GALNT15: variants seen among roughly 807,000 people sequenced by gnomAD.
GALNT15 encodes polypeptide N-acetylgalactosaminyltransferase 15, also known as UDP-GalNAc transferase T15.
A neutral mutation model predicts 66.8 loss-of-function variants in GALNT15; 67 were observed. That is an observed-to-expected ratio of 1.00 (90% CI 0.82 to 1.23). The LOEUF is 1.23. Among genes scored for constraint, GALNT15 ranks in the 50% most tolerant of loss-of-function variants. The pLI, the probability that GALNT15 is intolerant of heterozygous loss-of-function variation, is 0.00. For synonymous variants in GALNT15, 313 were observed against 311.5 expected, an observed-to-expected ratio of 1.00 and a Z score of -0.05; for missense variants, 827 against 804.3, an observed-to-expected ratio of 1.03 and a Z score of -0.34.
chr3:16,203,285 G>A lies in GALNT15; in HGVS notation c.911+2462G>A, dbSNP rs765131743. ...TGTTACCTGCTGCTGTGAGTCCCTC[G>A]TATCTGCTTCTCACATCGGGGCCCC... On this transcript the variant is annotated intron_variant, in intron 3 of 9. Transcript: ENST00000339732. This position sits in a 1 kb window ranked among gnomAD's most constrained non-coding sequence, Gnocchi z 6.2. 1.6e-4 allele frequency among the ~76,000 whole-genome samples: 24 copies of A among 152,104 alleles called. No homozygotes were observed. The highest frequency in any genetic ancestry group is 3.4e-3 in the Middle Eastern group (1 of 294).
At chr3:16,231,874 G>A (rs1214650362), downstream of GALNT15, 4 of 1,536,142 alleles carry the variant, frequency 2.6e-6, no homozygotes, top group African/African-American at 1.4e-5. The surrounding 1 kb of genome is among the most constrained non-coding windows in gnomAD (Gnocchi z 4.1). Context: ...CAATGGGTAG[G>A]ACATCATTTG....
intron 9 of GALNT15, among the ~76,000 whole-genome samples, chr3:16,226,459 G>A (rs2064020207): frequency 6.6e-6 from 1 of 152,178 alleles, no homozygotes; most frequent in African/African-American, 2.4e-5. Context: ...GCATGGCTGA[G>A]GAGGCCTCAG....
chr3:16,230,604 A>C (rs1230476494), downstream of GALNT15, among the ~76,000 whole-genome samples: 1 of 152,180 alleles, frequency 6.6e-6, no homozygotes, highest in South Asian at 2.1e-4. This position sits in a 1 kb window ranked among gnomAD's most constrained non-coding sequence, Gnocchi z 4.5. Context: ...GAAAAAAACA[A>C]GGATAGTGTA....
In GALNT15 at chr3:16,225,203, C is replaced by T. The variant is rs2063992976; in HGVS notation, c.1774-2151C>T. 6.6e-6 allele frequency among the ~76,000 whole-genome samples: 1 copy of T among 152,102 alleles called. No individual in the cohort carries two copies. Among genetic ancestry groups the T allele is most frequent in the Non-Finnish European group, 1.5e-5 (1 of 68,022 alleles). Reference sequence around the variant, plus strand: ...GACCAGATCCTCAAGAACTCGCTATCAAGAAGACAGCACGAAGCCATGAGG... The same window carrying T: ...GACCAGATCCTCAAGAACTCGCTATTAAGAAGACAGCACGAAGCCATGAGG... On this transcript the variant is annotated intron_variant, in intron 9 of 9. Transcript: ENST00000339732. This position sits in a 1 kb window ranked among gnomAD's most constrained non-coding sequence, Gnocchi z 4.4.
At position 16,200,770 on chromosome 3, in the gene GALNT15, C is replaced by T. The variant is rs771537146; in HGVS notation, c.858C>T (p.Cys286=). The change falls in exon 3 of 10, where the codon TGC becomes TGT. Residue 286 remains cysteine (C), a synonymous_variant. Coordinates refer to ENST00000339732, the MANE Select transcript of GALNT15 (RefSeq NM_054110.5). This position sits in a 1 kb window ranked among gnomAD's most constrained non-coding sequence, Gnocchi z 4.4. The stretch of plus-strand genomic sequence containing the variant: ...TGCTCGTCTTCATGGATGCCCACTG[C>T]GAGTGCCACCCAGGCTGGCTGGAGC... ...GDVLVFMDAH[C]ECHPGWLEPL... 17 of 1,611,588 alleles carry T rather than the reference C, an allele frequency of 1.1e-5. No individual in the cohort carries two copies. The highest frequency in any genetic ancestry group is 4.0e-5 in the African/African-American group (3 of 74,776).
At chr3:16,213,406 G>A (rs1468394836) in intron 6 of GALNT15, among the ~76,000 whole-genome samples, 10 of 115,362 alleles carry the variant, frequency 8.7e-5, no homozygotes, top group Admixed American at 5.3e-4. Flanking sequence ...GGTGAGCTGA[G>A]ATCACGCCAC....
chr3:16,221,735 C>T (rs1244581924), intron 8 of GALNT15, among the ~76,000 whole-genome samples: 2 of 152,154 alleles, frequency 1.3e-5, no homozygotes, highest in African/African-American at 2.4e-5. Flanking sequence ...GAGTAGGAAA[C>T]AAATTATTCT....
rs1387156680 is a variant in GALNT15 at position 16,211,813 on chromosome 3, GCTGAAAGTGTGAATTAC to G, written c.1197+577_1197+593del. On this transcript the variant is annotated intron_variant, in intron 5 of 9. Transcript: ENST00000339732. The surrounding 1 kb of genome is among the most constrained non-coding windows in gnomAD (Gnocchi z 4.3). ...ATCATCAAGAGTGCAGAGATCTAAT[GCTGAAAGTGTGAATTAC>G]CTGACGCTTGTATTCTGCATGAAGT... Among the ~76,000 whole-genome samples, 1 of 152,174 alleles carries G rather than the reference GCTGAAAGTGTGAATTAC, an allele frequency of 6.6e-6. No individual in the cohort carries two copies. The highest frequency in any genetic ancestry group is 1.5e-5 in the Non-Finnish European group (1 of 68,044).
rs572949327 is a variant in GALNT15, at chr3:16,184,744, C to T, written c.539+9054C>T. The stretch of plus-strand genomic sequence containing the variant: ...GGCTCAGGAAAGCGGAGCAGAGATG[C>T]CTGAGAGAGGCATGTGTTCAAGGCA... On this transcript the variant is annotated intron_variant, in intron 1 of 9. Transcript: ENST00000339732. The surrounding 1 kb of genome is among the most constrained non-coding windows in gnomAD (Gnocchi z 5.0). 6.6e-6 allele frequency among the ~76,000 whole-genome samples: 1 copy of T among 152,184 alleles called. No homozygotes were observed. Among genetic ancestry groups the T allele is most frequent in the East Asian group, 1.9e-4 (1 of 5,186 alleles).
At chr3:16,241,523 T>C in the GALNT15 span, among the ~76,000 whole-genome samples, 54,051 of 151,964 alleles carry the variant, frequency 0.36, 10,144 homozygotes, top group Admixed American at 0.48. The surrounding 1 kb of genome is among the most constrained non-coding windows in gnomAD (Gnocchi z 4.6). Context: ...ACCCCAAAAC[T>C]TAGTGGCTTA....
chr3:16,185,395 T>C (rs559709987), intron 1 of GALNT15, among the ~76,000 whole-genome samples: 18 of 152,350 alleles, frequency 1.2e-4, no homozygotes, highest in African/African-American at 3.6e-4. Flanking sequence ...AGGACTTTTC[T>C]TCCAAAGCAT....
At position 16,181,019 on chromosome 3, in the gene GALNT15, C is replaced by A. The variant is rs1286110827; in HGVS notation, c.539+5329C>A. Among the ~76,000 whole-genome samples, 2 of 152,116 alleles carry A rather than the reference C, an allele frequency of 1.3e-5. No homozygotes were observed. The highest frequency in any genetic ancestry group is 4.8e-5 in the African/African-American group (2 of 41,408). Reference sequence around the variant, plus strand: ...AGGTTGTAGAGAAAATGAGACACAACGTGTGATGATTTTCCTTGTGTATTA... The same window carrying A: ...AGGTTGTAGAGAAAATGAGACACAAAGTGTGATGATTTTCCTTGTGTATTA... On this transcript the variant is annotated intron_variant, in intron 1 of 9. Transcript: ENST00000339732. The surrounding 1 kb of genome is among the most constrained non-coding windows in gnomAD (Gnocchi z 5.9).
downstream of GALNT15, among the ~76,000 whole-genome samples, chr3:16,232,407 A>C (rs1395407218): frequency 6.8e-6 from 1 of 147,202 alleles, no homozygotes; most frequent in Admixed American, 6.8e-5. Flanking sequence ...CTCTACAAAA[A>C]ACAAAACCAA....
rs188509547 is a variant in GALNT15, at chr3:16,174,856, G to T, written c.-296G>T. The T allele has an allele frequency of 1.1e-3, 431 of 408,606 alleles. No homozygotes were observed. The highest frequency in any genetic ancestry group is 1.7e-3 in the Non-Finnish European group (390 of 226,748). 25.3% of individuals were successfully genotyped at this position (408,606 alleles called of 1,614,324 possible). A position where few individuals can be genotyped will look rare whatever the true frequency, so the allele number is the denominator to read the frequency against. ...TTTTTTTCCCAAGGAGAAAACCGGG[G>T]TAAAGGGAGGGAAGCAATTCAATTT... On this transcript the variant is annotated 5_prime_UTR_variant, in exon 1 of 10. Coordinates refer to ENST00000339732, the MANE Select transcript of GALNT15 (RefSeq NM_054110.5). This position sits in a 1 kb window ranked among gnomAD's most constrained non-coding sequence, Gnocchi z 4.7.
Position 16,189,878 on chromosome 3 carries a change from T to TATA in GALNT15, c.540-5880_540-5878dup, listed in dbSNP as rs1303298537. 6.6e-6 allele frequency among the ~76,000 whole-genome samples: 1 copy of TATA among 152,176 alleles called. No homozygotes were observed. The highest frequency in any genetic ancestry group is 1.5e-5 in the Non-Finnish European group (1 of 68,030). ...GAGAAATGAGAATTAGTGACTGAAG[T>TATA]ATAACTGAGTCTGTTGGTCTGGAGA... On this transcript the variant is annotated intron_variant, in intron 1 of 9. Transcript: ENST00000339732. This position sits in a 1 kb window ranked among gnomAD's most constrained non-coding sequence, Gnocchi z 5.1.
rs1027136519 is a variant in GALNT15, at chr3:16,176,406, C to T, written c.539+716C>T. On this transcript the variant is annotated intron_variant, in intron 1 of 9. Coordinates refer to ENST00000339732, the MANE Select transcript of GALNT15 (RefSeq NM_054110.5). This position sits in a 1 kb window ranked among gnomAD's most constrained non-coding sequence, Gnocchi z 5.6. Reference sequence around the variant, plus strand: ...TGAATGCAGGCATGTGAGCTCCAGTCTGCCTGACCCACCACTCCATGCCAC... The same window carrying T: ...TGAATGCAGGCATGTGAGCTCCAGTTTGCCTGACCCACCACTCCATGCCAC... Among the ~76,000 whole-genome samples the T allele has an allele frequency of 3.9e-5, 6 of 152,254 alleles. No individual in the cohort carries two copies. Among genetic ancestry groups the T allele is most frequent in the Admixed American group, 2.0e-4 (3 of 15,290 alleles).
rs894813344 is a variant in GALNT15, at chr3:16,212,587, T to G, written c.1216T>G (p.Ser406Ala). 5 of 1,613,552 alleles carry G rather than the reference T, an allele frequency of 3.1e-6. No individual in the cohort carries two copies. The African/African-American group carries it at 6.7e-5, about 22-fold the overall frequency. ...GTGGCAGGCCTGGCTCTGTGGTGGC[T>G]CTGTTGAAATCCTTCCCTGCTCTCG... ...LSFKAWLCGG[S>A]VEILPCSRVG... Residue 406 changes from serine to alanine, a missense_variant, in exon 6 of 10, where the codon TCT (serine) becomes GCT (alanine). Ser to Ala is a moderately conservative substitution (Grantham distance 99). Transcript: ENST00000339732.
At chr3:16,190,941 T>C (rs910998340) in intron 1 of GALNT15, among the ~76,000 whole-genome samples, 1 of 152,234 alleles carries the variant, frequency 6.6e-6, no homozygotes. Flanking sequence ...CGTGAACTTC[T>C]TTCCCTGAGA....
At chr3:16,230,308 C>T (rs1379176495), downstream of GALNT15, among the ~76,000 whole-genome samples, 2 of 152,144 alleles carry the variant, frequency 1.3e-5, no homozygotes, top group Non-Finnish European at 2.9e-5. The surrounding 1 kb of genome is among the most constrained non-coding windows in gnomAD (Gnocchi z 4.5). Context: ...GACCTGTTTC[C>T]TCTTTGGTTT....
Sources: allele counts gnomAD v4.1 joint callset (sites outside exome capture counted in the v4.1 genomes callset), GRCh38; gene constraint gnomAD v4.1.1; non-coding constraint Gnocchi (gnomAD v3.1); transcripts MANE v1.5; gene names NCBI Gene and HGNC (gene_info 2026-07-23, HGNC 2026-07-21).